The following STAB2 variants were observed in gnomAD, a reference collection of about 807,000 sequenced individuals.
The protein encoded by STAB2 is stabilin 2.
STAB2 carries 288 observed loss-of-function variants against 338.1 expected under a neutral mutation model. That is an observed-to-expected ratio of 0.85 (90% CI 0.77 to 0.94). The LOEUF (loss-of-function observed/expected upper bound fraction) is 0.94. Ranked by LOEUF, STAB2 falls within the 40% of genes least tolerant of loss-of-function variation. The pLI, the probability that STAB2 is intolerant of heterozygous loss-of-function variation, is 0.00. For synonymous variants in STAB2, 1,202 were observed against 1,193.3 expected (o/e 1.01, Z -0.15); for missense variants, 3,141 against 3,210.1 (o/e 0.98, Z 0.52).
intron 52 of STAB2, among the ~76,000 whole-genome samples, chr12:103,736,770 A>C (rs12298124): frequency 7.0e-4 from 107 of 152,240 alleles, no homozygotes; most frequent in African/African-American, 2.4e-3. Flanking sequence ...CAAGGCTTTA[A>C]CCACAGTTTT....
At chr12:103,650,709 G>T in intron 11 of STAB2, 131 bp downstream of exon 11, 3 of 649,242 alleles carry the variant, frequency 4.6e-6, no homozygotes, top group Non-Finnish European at 7.8e-6. Flanking sequence ...GTGATTTTTT[G>T]ATAAACTTCT....
intron 23 of STAB2, 109 bp from the exon 24 acceptor site, chr12:103,675,819 C>G (rs1876290342): frequency 2.5e-6 from 2 of 784,674 alleles, no homozygotes; most frequent in Non-Finnish European, 4.1e-6. Flanking sequence ...TCCACAGGAG[C>G]AAAGGATGGA....
intron 2 of STAB2, among the ~76,000 whole-genome samples, chr12:103,592,748 G>T (rs73391993): frequency 0.024 from 3,643 of 152,182 alleles, 63 homozygotes; most frequent in African/African-American, 0.053. Context: ...CAATGTTTAA[G>T]CATATATTAT....
At chr12:103,669,285 C>G (rs774034481) in intron 20 of STAB2, 3 of 421,810 alleles carry the variant, frequency 7.1e-6, no homozygotes, top group Non-Finnish European at 1.3e-5. Flanking sequence ...AGAACGTTGG[C>G]TCCACAAGCA....
chr12:103,619,896 C>T (rs1957271702), intron 3 of STAB2, among the ~76,000 whole-genome samples: 1 of 152,112 alleles, frequency 6.6e-6, no homozygotes, highest in Non-Finnish European at 1.5e-5. Flanking sequence ...ATATCCTTTC[C>T]TTTTAAGCAT....
intron 35 of STAB2, among the ~76,000 whole-genome samples, chr12:103,703,932 G>C (rs1012393289): frequency 3.9e-5 from 6 of 152,178 alleles, no homozygotes; most frequent in African/African-American, 1.4e-4. Context: ...GGAAAAGTGA[G>C]CCAGAGAGGT....
In STAB2 at chr12:103,682,460, G is replaced by A. The variant is rs559479450; in HGVS notation, c.2806-745G>A. ...GAATGCTGCTTTAAAAAGACAAACC[G>A]TGCTGGAGCCAAATGTTTCTAAATT... On this transcript the variant is annotated intron_variant, in intron 25 of 68. Transcript: ENST00000388887. Among the ~76,000 whole-genome samples, 4 of 152,280 alleles carry A rather than the reference G, an allele frequency of 2.6e-5. No individual in the cohort carries two copies. In the East Asian group the frequency reaches 5.8e-4, roughly 22 times the overall value.
intron 65 of STAB2, 96 bp from the exon 66 acceptor site, chr12:103,761,204 G>T (rs1884509641): frequency 9.0e-7 from 1 of 1,116,032 alleles, no homozygotes; most frequent in South Asian, 1.4e-5. Flanking sequence ...CCTGAAACAT[G>T]GGCTCAGGGG....
chr12:103,652,705 G>C lies in STAB2; in HGVS notation c.1407G>C (p.Lys469Asn), dbSNP rs746424691. 8.9e-6 allele frequency: 14 copies of C among 1,580,156 alleles called. No individual in the cohort carries two copies. The Admixed American group carries it at 1.6e-4, about 19-fold the overall frequency. Residue 469 changes from lysine to asparagine, a missense_variant and splice_region_variant, in exon 12 of 69, where the codon AAG becomes AAC. Physicochemically the swap from Lys to Asn is moderately conservative, Grantham distance 94 (BLOSUM62 0). Coordinates refer to ENST00000388887, the MANE Select transcript of STAB2 (RefSeq NM_017564.10). ...CGGGGGAAATCTTCAACAGCGATAA[G>C]GTAAGGGTTCCTCTGATTTTCACTC... is the stretch of plus-strand genomic sequence containing the variant. ...GKSGEIFNSD[K>N]DNQIKLKLHG...
Position 103,750,682 on chromosome 12 carries a change from G to A in STAB2, c.6542G>A (p.Cys2181Tyr). 6.2e-7 allele frequency: 1 copy of A among 1,614,188 alleles called. No individual in the cohort carries two copies. The highest frequency in any genetic ancestry group is 1.3e-5 in the African/African-American group (1 of 75,076). Reference sequence around the variant, plus strand: ...CGCTGCTTACAGGACAATGGGCAGTGCCATGCAGACGCCAAATGTGTCGAC... The same window carrying A: ...CGCTGCTTACAGGACAATGGGCAGTACCATGCAGACGCCAAATGTGTCGAC... ...IDRCLQDNGQ[C>Y]HADAKCVDLH... The change falls in exon 60 of 69, where the codon TGC becomes TAC. Residue 2181 changes from cysteine (C) to tyrosine (Y), a missense_variant. Cys to Tyr is a radical substitution (Grantham distance 194, BLOSUM62 -2). Coordinates refer to ENST00000388887, the MANE Select transcript of STAB2 (RefSeq NM_017564.10).
At chr12:103,722,543 G>A (rs1880849759) in intron 44 of STAB2, among the ~76,000 whole-genome samples, 1 of 152,140 alleles carries the variant, frequency 6.6e-6, no homozygotes, top group African/African-American at 2.4e-5. Context: ...CAAATAAATG[G>A]GTAGTTAATG....
intron 57 of STAB2, 111 bp from the exon 58 acceptor site, chr12:103,746,486 G>A: frequency 1.1e-6 from 1 of 922,862 alleles, no homozygotes; most frequent in South Asian, 1.4e-5. Context: ...GCTGTACAGG[G>A]GCACTTATGA....
At chr12:103,618,987 A>G (rs554493128) in intron 3 of STAB2, among the ~76,000 whole-genome samples, 9 of 152,274 alleles carry the variant, frequency 5.9e-5, no homozygotes, top group Admixed American at 1.3e-4. Context: ...ATTCCCCTGC[A>G]CATGCCCTCT....
intron 5 of STAB2, among the ~76,000 whole-genome samples, chr12:103,624,537 A>G (rs185592422): frequency 1.3e-5 from 2 of 152,374 alleles, no homozygotes; most frequent in African/African-American, 2.4e-5. Context: ...GGATAAGTGC[A>G]TAATAAATGT....
chr12:103,707,065 A>G lies in STAB2; in HGVS notation c.4192+78A>G, dbSNP rs550342075. 6.3e-5 allele frequency: 95 copies of G among 1,511,436 alleles called. No homozygotes were observed. The East Asian group carries it at 2.0e-3, about 33-fold the overall frequency. 93.6% of individuals were successfully genotyped at this position (1,511,436 alleles called of 1,614,324 possible). On this transcript the variant is annotated intron_variant, in intron 38 of 68. Coordinates refer to ENST00000388887, the MANE Select transcript of STAB2 (RefSeq NM_017564.10). ...ATATGCAGGGAAAGAGTGATCCCAC[A>G]CGTGCTCTCTAGCTGGCCTGTCGCC... is the stretch of plus-strand genomic sequence containing the variant.
chr12:103,621,093 G>C (rs981922463), intron 4 of STAB2, among the ~76,000 whole-genome samples: 1 of 151,656 alleles, frequency 6.6e-6, no homozygotes, highest in Non-Finnish European at 1.5e-5. Context: ...GCAAGACTCT[G>C]TCCACCCCCA....
chr12:103,747,247 AAC>A (rs1883133442), intron 58 of STAB2, among the ~76,000 whole-genome samples: 1 of 152,218 alleles, frequency 6.6e-6, no homozygotes, highest in Non-Finnish European at 1.5e-5. Context: ...AACCACTGTG[AAC>A]ACTGCAATAT....
intron 55 of STAB2, 108 bp downstream of exon 55, chr12:103,740,864 C>T: frequency 2.2e-6 from 3 of 1,391,196 alleles, no homozygotes; most frequent in Non-Finnish European, 2.9e-6. Context: ...GGAAACACTG[C>T]TAATAATGAT....
chr12:103,761,156 T>C, intron 65 of STAB2, 144 bp from the exon 66 acceptor site: 1 of 678,062 alleles, frequency 1.5e-6, no homozygotes, highest in Non-Finnish European at 2.6e-6. Context: ...GTCCAGAGGG[T>C]GAGGAGAAGT....
Sources: gnomAD v4.1 joint callset for allele counts (sites outside exome capture counted in the v4.1 genomes callset) on GRCh38, gnomAD v4.1.1 for gene constraint, MANE v1.5 for transcripts, NCBI Gene and HGNC (gene_info 2026-07-23, HGNC 2026-07-21) for gene names.